Variants in INF2 observed in about 807,000 individuals in gnomAD.
INF2 encodes inverted formin-2.
Under a neutral mutation model 123.5 loss-of-function variants are expected in INF2, and 43 were observed. The observed-to-expected ratio is 0.35, with a 90% CI of 0.27 to 0.45. INF2 has a LOEUF of 0.45. INF2 is among the 20% of genes least tolerant of loss of function. The pLI, the probability that INF2 is intolerant of heterozygous loss-of-function variation, is 1.00. For synonymous variants in INF2, 851 were observed against 745.0 expected (o/e 1.14, Z -2.32); for missense variants, 1,453 against 1,682.7 (o/e 0.86, Z 2.39).
rs376315431 is a variant in INF2, at chr14:104,714,433, C to T, written c.3271C>T (p.Pro1091Ser). ...DASDVLTTED[P>S]QCPQPLEGAW... ...CAGCGATGTCCTAACCACTGAGGATCCCCAGTGCCCCCAGCCCTTGGAGGG... is the reference window on the plus strand; with the variant it reads ...CAGCGATGTCCTAACCACTGAGGATTCCCAGTGCCCCCAGCCCTTGGAGGG... Residue 1091 changes from proline to serine, a missense_variant, in exon 21 of 23, where the codon CCC (proline) becomes TCC (serine). Pro to Ser is a moderately conservative substitution (Grantham distance 74, BLOSUM62 -1). Coordinates refer to ENST00000392634, the MANE Select transcript of INF2 (RefSeq NM_022489.4). 1 of 1,609,812 alleles carries T rather than the reference C, an allele frequency of 6.2e-7. No homozygotes were observed. The highest frequency in any genetic ancestry group is 8.5e-7 in the Non-Finnish European group (1 of 1,178,454).
chr14:104,700,825 C>T, intron 1 of INF2: 1 of 985,288 alleles, frequency 1.0e-6, no homozygotes. Flanking sequence ...TCCTCCCCAG[C>T]CACGCTGCTG....
intron 10 of INF2, 79 bp downstream of exon 10, chr14:104,708,811 G>GCCCTCT: frequency 7.0e-7 from 1 of 1,425,374 alleles, no homozygotes; most frequent in Non-Finnish European, 9.9e-7. Flanking sequence ...GCCCAGCAGT[G>GCCCTCT]CCCTCTGCAG....
chr14:104,708,409 C>T (rs773812025), intron 8 of INF2, 27 bp from the exon 9 acceptor site: 1 of 1,608,928 alleles, frequency 6.2e-7, no homozygotes, highest in Non-Finnish European at 8.5e-7. Flanking sequence ...CTGCGAGAGC[C>T]TCACTGGCCG....
chr14:104,707,173 T>C, intron 7 of INF2, 80 bp from the exon 8 acceptor site: 1 of 1,516,714 alleles, frequency 6.6e-7, no homozygotes, highest in Non-Finnish European at 8.8e-7. Context: ...GGTGGCCGCT[T>C]TTTCCTGCCT....
chr14:104,697,486 G>A (rs977108357), intron 1 of INF2, among the ~76,000 whole-genome samples: 1 of 152,260 alleles, frequency 6.6e-6, no homozygotes, highest in Non-Finnish European at 1.5e-5. Context: ...CAGGGGCTAG[G>A]CACATGGCTG....
At chr14:104,683,530 G>C (rs970475561) in intron 1 of INF2, among the ~76,000 whole-genome samples, 33 of 152,182 alleles carry the variant, frequency 2.2e-4, no homozygotes, top group African/African-American at 7.2e-4. Context: ...AAGGCCCGCA[G>C]GGGAGGGCAG....
At chr14:104,690,989 A>G (rs1308339076) in intron 1 of INF2, among the ~76,000 whole-genome samples, 1 of 151,952 alleles carries the variant, frequency 6.6e-6, no homozygotes, top group African/African-American at 2.4e-5. Flanking sequence ...AGGTTGGTGC[A>G]GTGGGCCCTG....
In INF2 at chr14:104,707,729, C is replaced by A; in HGVS notation, c.1462C>A (p.Pro488Thr). The A allele has an allele frequency of 2.3e-6, 3 of 1,291,552 alleles. No individual in the cohort carries two copies. The highest frequency in any genetic ancestry group is 3.2e-6 in the Non-Finnish European group (3 of 933,722). 80.0% of individuals were successfully genotyped at this position (1,291,552 alleles called of 1,614,324 possible). Residue 488 changes from proline (P) to threonine (T), a missense_variant, in exon 8 of 23, where the codon CCC becomes ACC. This residue lies in a region of INF2 where 374 missense variants were observed against 303.7 expected (regional missense o/e 1.23). Transcript: ENST00000392634. Reference protein sequence around the residue: ...PPLPGSCEFLPPPPPPLPGLG... With the variant: ...PPLPGSCEFLTPPPPPLPGLG... The stretch of plus-strand genomic sequence containing the variant: ...CCTGCCAGGCTCCTGTGAGTTCCTG[C>A]CCCCACCACCTCCACCACTCCCGGG...
chr14:104,698,841 C>A (rs1404248538), intron 1 of INF2, among the ~76,000 whole-genome samples: 2 of 152,236 alleles, frequency 1.3e-5, no homozygotes, highest in African/African-American at 4.8e-5. Flanking sequence ...TGCCGGGCCG[C>A]AGCCCAGCGA....
chr14:104,708,491 C>T lies in INF2; in HGVS notation c.1791C>T (p.Pro597=), dbSNP rs377222356. ...LSSPDAEAVE[P]DFSSIERLFS... is the part of the protein sequence containing the mutation. ...GCCCCGACGCCGAGGCTGTGGAGCCCGACTTCTCCAGCATCGAGCGACTAT... is the reference window on the plus strand; with the variant it reads ...GCCCCGACGCCGAGGCTGTGGAGCCTGACTTCTCCAGCATCGAGCGACTAT... Residue 597 remains proline (P), a synonymous_variant, in exon 9 of 23, where the codon CCC becomes CCT. Transcript: ENST00000392634. 121 of 1,612,502 alleles carry T rather than the reference C, an allele frequency of 7.5e-5. No individual in the cohort carries two copies. Among genetic ancestry groups the T allele is most frequent in the South Asian group, 3.5e-4 (32 of 91,084 alleles).
At chr14:104,692,283 C>T (rs1236063502) in intron 1 of INF2, among the ~76,000 whole-genome samples, 2 of 152,230 alleles carry the variant, frequency 1.3e-5, no homozygotes, top group African/African-American at 2.4e-5. Context: ...GCGGGACAGT[C>T]GGTGCCATTT....
At chr14:104,716,079 T>C (rs1890288500) in intron 22 of INF2, 7 of 402,218 alleles carry the variant, frequency 1.7e-5, no homozygotes, top group South Asian at 1.3e-4. Context: ...CTGCACTGGG[T>C]GGAGGAGGGG....
intron 1 of INF2, chr14:104,681,647 G>A (rs928461741): frequency 2.7e-5 from 34 of 1,247,178 alleles, no homozygotes; most frequent in Middle Eastern, 2.2e-4. Context: ...ACACGGGGGC[G>A]GAGAGGTGGC....
At chr14:104,717,290 C>G in intron 22 of INF2, among the ~76,000 whole-genome samples, 1 of 119,528 alleles carries the variant, frequency 8.4e-6, no homozygotes. Context: ...CTGCCGTCCT[C>G]CCAGTCCCCC....
intron 1 of INF2, among the ~76,000 whole-genome samples, chr14:104,696,738 G>A (rs1395374140): frequency 6.6e-6 from 1 of 152,134 alleles, no homozygotes; most frequent in East Asian, 1.9e-4. Flanking sequence ...GGCTCTCGGA[G>A]GAGCTAAAAA....
At chr14:104,701,866 C>A (rs921939223) in intron 2 of INF2, 110 bp downstream of exon 2, 1 of 1,242,828 alleles carries the variant, frequency 8.0e-7, no homozygotes, top group Non-Finnish European at 1.1e-6. Flanking sequence ...GGAAGCGCAG[C>A]CAGGCAGGCA....
At chr14:104,696,967 G>A (rs542969482) in intron 1 of INF2, among the ~76,000 whole-genome samples, 7 of 152,274 alleles carry the variant, frequency 4.6e-5, no homozygotes, top group African/African-American at 1.4e-4. Context: ...TGCCCAGCCA[G>A]TGCCTGCCCT....
intron 1 of INF2, among the ~76,000 whole-genome samples, chr14:104,692,253 G>A (rs762664577): frequency 4.6e-5 from 7 of 152,246 alleles, no homozygotes; most frequent in Admixed American, 1.3e-4. Context: ...CTGCAGGAGC[G>A]TTCATTTCAC....
chr14:104,683,788 A>G (rs1163463966), intron 1 of INF2, among the ~76,000 whole-genome samples: 2 of 152,010 alleles, frequency 1.3e-5, no homozygotes, highest in Non-Finnish European at 1.5e-5. Flanking sequence ...GATCCAATTC[A>G]TCAGCCTACA....
Sources: allele counts gnomAD v4.1 joint callset (sites outside exome capture counted in the v4.1 genomes callset), GRCh38; gene constraint gnomAD v4.1.1; regional missense constraint gnomAD v4.1.1; transcripts MANE v1.5; gene names NCBI Gene and HGNC (gene_info 2026-07-23, HGNC 2026-07-21).